The following KDM2B variants were observed in gnomAD, a reference collection of about 807,000 sequenced individuals.
KDM2B encodes the protein lysine demethylase 2B, also known as lysine-specific demethylase 2B.
A neutral mutation model predicts 150.0 loss-of-function variants in KDM2B; 26 were observed. The observed-to-expected ratio is 0.17, with a 90% CI of 0.13 to 0.24. The LOEUF (loss-of-function observed/expected upper bound fraction) is 0.24. Ranked by LOEUF, KDM2B falls within the 10% of genes least tolerant of loss-of-function variation. The pLI is 1.00. For missense variants in KDM2B, 1,265 were observed against 1,816.9 expected (o/e 0.70, Z 5.52); for synonymous variants, 734 against 729.5 (o/e 1.01, Z -0.10).
intron 12 of KDM2B, among the ~76,000 whole-genome samples, chr12:121,482,433 G>A (rs1040115101): frequency 3.9e-5 from 6 of 152,132 alleles, no homozygotes; most frequent in African/African-American, 1.2e-4. Flanking sequence ...CTCCTGGGTA[G>A]CTGGGATTAC....
intron 12 of KDM2B, among the ~76,000 whole-genome samples, chr12:121,491,793 CAAA>C (rs111704010): frequency 3.8e-5 from 2 of 52,198 alleles, no homozygotes; most frequent in Admixed American, 2.2e-4. Context: ...GATTCCATCT[CAAA>C]AAAAAAAAAA....
At chr12:121,578,372 G>T (rs1438755497) in intron 2 of KDM2B, among the ~76,000 whole-genome samples, 9 of 152,202 alleles carry the variant, frequency 5.9e-5, no homozygotes, top group Non-Finnish European at 1.0e-4. Context: ...GATTGGGAAG[G>T]CTTCGGGCCT....
Position 121,549,439 on chromosome 12 carries a change from G to A in KDM2B, c.576+21C>T, listed in dbSNP as rs1555311386. The A allele has an allele frequency of 1.9e-6, 3 of 1,565,936 alleles. No homozygotes were observed. The highest frequency in any genetic ancestry group is 1.7e-4 in the Middle Eastern group (1 of 5,854). On this transcript the variant is annotated intron_variant, in intron 5 of 22. Coordinates refer to ENST00000377071, the MANE Select transcript of KDM2B (RefSeq NM_032590.5). The surrounding 1 kb of genome is among the most constrained non-coding windows in gnomAD (Gnocchi z 4.4). ...ATGAGGTGGAAGGTATCTGGGGAGG[G>A]TACCTGGGCCCCGGACCTACCACAG...
chr12:121,453,409 G>T lies in KDM2B; in HGVS notation c.1735-65C>A. 7.6e-7 allele frequency: 1 copy of T among 1,312,574 alleles called. No homozygotes were observed. Among genetic ancestry groups the T allele is most frequent in the Non-Finnish European group, 1.0e-6 (1 of 959,750 alleles). The allele number at this position is 1,312,574 out of a possible 1,614,324, so 81.3% of individuals were successfully genotyped here. A position where few individuals can be genotyped will look rare whatever the true frequency, so the allele number is the denominator to read the frequency against. ...GCAGGCACGGCCAGACCCCCGGAAA[G>T]GGTGTTAGGGAGCAAACTGTGTACC... is the stretch of plus-strand genomic sequence containing the variant. On this transcript the variant is annotated intron_variant, in intron 12 of 22. Coordinates refer to ENST00000377071, the MANE Select transcript of KDM2B (RefSeq NM_032590.5). This position sits in a 1 kb window ranked among gnomAD's most constrained non-coding sequence, Gnocchi z 6.4.
intron 11 of KDM2B, among the ~76,000 whole-genome samples, chr12:121,505,087 A>G (rs1884936258): frequency 1.3e-5 from 2 of 149,668 alleles, no homozygotes; most frequent in African/African-American, 5.0e-5. Context: ...ACTGCACTCC[A>G]GCCTGGGCAA....
At chr12:121,414,597 G>A in the KDM2B span, among the ~76,000 whole-genome samples, 1 of 152,234 alleles carries the variant, frequency 6.6e-6, no homozygotes, top group East Asian at 1.9e-4. Context: ...GGAAGGTCAT[G>A]ATGGTTATCA....
At chr12:121,464,188 A>G (rs775770125) in intron 12 of KDM2B, among the ~76,000 whole-genome samples, 8 of 152,214 alleles carry the variant, frequency 5.3e-5, no homozygotes, top group Non-Finnish European at 4.4e-5. Flanking sequence ...AGTTATAATC[A>G]TATCACTGTA....
At chr12:121,435,471 T>C (rs1242525686) in intron 22 of KDM2B, among the ~76,000 whole-genome samples, 1 of 152,168 alleles carries the variant, frequency 6.6e-6, no homozygotes, top group Non-Finnish European at 1.5e-5. Context: ...CCTCTTGCAT[T>C]GGAAGTGACA....
intron 8 of KDM2B, among the ~76,000 whole-genome samples, chr12:121,526,967 G>T (rs1279378379): frequency 3.3e-5 from 5 of 151,910 alleles, no homozygotes; most frequent in African/African-American, 1.2e-4. Flanking sequence ...AGGAGGCGGA[G>T]GTTGCAGTGA....
chr12:121,444,320 G>A (rs1555289576), intron 15 of KDM2B, 48 bp from the exon 16 acceptor site: 2 of 1,609,362 alleles, frequency 1.2e-6, no homozygotes, highest in Non-Finnish European at 8.5e-7. Flanking sequence ...TATACCTTTG[G>A]ACTTGCCCTT....
chr12:121,473,208 TG>T (rs547010067), intron 12 of KDM2B, among the ~76,000 whole-genome samples: 2 of 151,636 alleles, frequency 1.3e-5, no homozygotes, highest in Non-Finnish European at 2.9e-5. Context: ...CTGGTTGACA[TG>T]GTGAAATCCC....
At chr12:121,573,587 CTT>C (rs35286174) in intron 4 of KDM2B, among the ~76,000 whole-genome samples, 77 of 139,956 alleles carry the variant, frequency 5.5e-4, no homozygotes, top group Non-Finnish European at 4.4e-4. Context: ...CTGTTTACTT[CTT>C]TTTTTTTTTT....
intron 22 of KDM2B, among the ~76,000 whole-genome samples, chr12:121,433,377 G>C (rs1332946572): frequency 6.6e-6 from 1 of 152,202 alleles, no homozygotes. Context: ...ATCCTCATCA[G>C]TTCTCCCTCC....
At position 121,467,849 on chromosome 12, in the gene KDM2B, A is replaced by C. The variant is rs1880289766; in HGVS notation, c.1735-14505T>G. ...GGGCTGCCGGGTTTGCACTCGCTGC[A>C]GGACCAGGACCTGAAGCGCACGAAC... On this transcript the variant is annotated intron_variant, in intron 12 of 22. Coordinates refer to ENST00000377071, the MANE Select transcript of KDM2B (RefSeq NM_032590.5). The surrounding 1 kb of genome is among the most constrained non-coding windows in gnomAD (Gnocchi z 5.1). 6.6e-6 allele frequency: 1 copy of C among 152,278 alleles called. No individual in the cohort carries two copies. The highest frequency in any genetic ancestry group is 1.5e-5 in the Non-Finnish European group (1 of 68,092). The allele number at this position is 152,278 out of a possible 1,614,324, so 9.4% of individuals were successfully genotyped here.
At chr12:121,510,513 C>G (rs1885492532) in intron 10 of KDM2B, among the ~76,000 whole-genome samples, 1 of 152,050 alleles carries the variant, frequency 6.6e-6, no homozygotes, top group South Asian at 2.1e-4. Flanking sequence ...TAAGTCGAGG[C>G]TGGGTGCAGT....
chr12:121,518,000 C>A (rs932686955), intron 9 of KDM2B, among the ~76,000 whole-genome samples: 5 of 152,082 alleles, frequency 3.3e-5, no homozygotes, highest in African/African-American at 1.2e-4. Context: ...TCAAGCAATT[C>A]TCCTGCCTCA....
chr12:121,465,378 C>A (rs1200668928), intron 12 of KDM2B, among the ~76,000 whole-genome samples: 1 of 152,194 alleles, frequency 6.6e-6, no homozygotes, highest in Non-Finnish European at 1.5e-5. Context: ...GGATTAAAGG[C>A]ACCGGCCACC....
intron 8 of KDM2B, among the ~76,000 whole-genome samples, chr12:121,528,185 T>C (rs1555307146): frequency 6.6e-6 from 1 of 152,200 alleles, no homozygotes; most frequent in South Asian, 2.1e-4. Context: ...TACTCCTCAG[T>C]CACCTTCAAC....
At chr12:121,426,812 CA>C (rs1389417160), downstream of KDM2B, among the ~76,000 whole-genome samples, 2 of 151,774 alleles carry the variant, frequency 1.3e-5, no homozygotes, top group Non-Finnish European at 2.9e-5. Context: ...TTAATAGAGA[CA>C]GGGTTTTACC....
Sources: allele counts gnomAD v4.1 joint callset (sites outside exome capture counted in the v4.1 genomes callset), GRCh38; gene constraint gnomAD v4.1.1; non-coding constraint Gnocchi (gnomAD v3.1); transcripts MANE v1.5; gene names NCBI Gene and HGNC (gene_info 2026-07-23, HGNC 2026-07-21).